The following SGCZ variants were observed in gnomAD, a reference collection of about 807,000 sequenced individuals.
SGCZ encodes the protein zeta-sarcoglycan.
Under a neutral mutation model 41.3 loss-of-function variants are expected in SGCZ, and 40 were observed. That is an observed-to-expected ratio of 0.97 (90% CI 0.75 to 1.26). The LOEUF (loss-of-function observed/expected upper bound fraction) is 1.26, where lower values mean the gene tolerates loss of function less well. Among genes scored for constraint, SGCZ ranks in the 50% most tolerant of loss-of-function variants. The pLI, the probability that SGCZ is intolerant of heterozygous loss-of-function variation, is 0.00. For synonymous variants in SGCZ, 206 were observed against 137.5 expected, an observed-to-expected ratio of 1.50 and a Z score of -3.49; for missense variants, 552 against 369.8, an observed-to-expected ratio of 1.49 and a Z score of -4.04.
chr8:14,586,981 T>C (rs1361811720), intron 1 of SGCZ, among the ~76,000 whole-genome samples: 1 of 151,946 alleles, frequency 6.6e-6, no homozygotes, highest in Non-Finnish European at 1.5e-5. Flanking sequence ...ATATACTCTT[T>C]GGAAAGTCAT....
At position 14,661,581 on chromosome 8, in the gene SGCZ, G is replaced by A. The variant is rs369963084; in HGVS notation, c.40-106655C>T. Among the ~76,000 whole-genome samples, 139 of 152,102 alleles carry A rather than the reference G, an allele frequency of 9.1e-4. 1 individual carries two copies. The highest frequency in any genetic ancestry group is 3.3e-3 in the African/African-American group (136 of 41,512). ...ACAATTGGTCATCCCTGACTTCTTG[G>A]GAGGTTAACAAACCATGACTCAACA... On this transcript the variant is annotated intron_variant, in intron 1 of 7. Transcript: ENST00000382080.
chr8:14,320,433 C>T (rs548444111), intron 3 of SGCZ, among the ~76,000 whole-genome samples: 1 of 150,686 alleles, frequency 6.6e-6, no homozygotes, highest in Non-Finnish European at 1.5e-5. Flanking sequence ...TGACTGAATT[C>T]TTTTATTATT....
intron 1 of SGCZ, among the ~76,000 whole-genome samples, chr8:14,682,780 T>TAG (rs1338915383): frequency 1.3e-5 from 2 of 152,212 alleles, no homozygotes; most frequent in Non-Finnish European, 2.9e-5. Flanking sequence ...CAGAATACTT[T>TAG]ACCTTAAACA....
chr8:14,159,681 T>G (rs1803981935), intron 5 of SGCZ, among the ~76,000 whole-genome samples: 1 of 152,192 alleles, frequency 6.6e-6, no homozygotes, highest in Non-Finnish European at 1.5e-5. Flanking sequence ...CTAATCACAT[T>G]TCTTCATGGG....
intron 1 of SGCZ, among the ~76,000 whole-genome samples, chr8:15,139,756 C>G (rs1415885426): frequency 6.6e-6 from 1 of 151,116 alleles, no homozygotes; most frequent in Non-Finnish European, 1.5e-5. Context: ...GGTCCTCAGA[C>G]CTACACCTCT....
intron 1 of SGCZ, among the ~76,000 whole-genome samples, chr8:14,752,223 G>A (rs140570989): frequency 2.2e-3 from 328 of 148,528 alleles, no homozygotes; most frequent in African/African-American, 7.5e-3. Flanking sequence ...ACTGGTTTTC[G>A]CAGGGTTTTC....
intron 1 of SGCZ, among the ~76,000 whole-genome samples, chr8:14,996,192 T>C (rs1192299306): frequency 1.3e-5 from 2 of 151,998 alleles, no homozygotes; most frequent in African/African-American, 4.8e-5. Flanking sequence ...CATGAGCCAC[T>C]ACATCAGACC....
intron 2 of SGCZ, among the ~76,000 whole-genome samples, chr8:14,386,277 T>A (rs1333260852): frequency 6.8e-6 from 1 of 148,010 alleles, no homozygotes; most frequent in Non-Finnish European, 1.5e-5. Flanking sequence ...GTATCAATGA[T>A]AAAAATCTTT....
rs150673763 is a variant in SGCZ, at chr8:14,900,151, T to C, written c.39+337434A>G. 7.2e-5 allele frequency among the ~76,000 whole-genome samples: 11 copies of C among 152,232 alleles called. No individual in the cohort carries two copies. In the East Asian group the frequency reaches 2.1e-3, roughly 29 times the overall value. On this transcript the variant is annotated intron_variant, in intron 1 of 7. Coordinates refer to ENST00000382080, the MANE Select transcript of SGCZ (RefSeq NM_139167.4). Reference sequence around the variant, plus strand: ...TTTTATCAGTATAAATCACATCCACTTGACTGTAGACAGACAAGGGCGGTT... The same window carrying C: ...TTTTATCAGTATAAATCACATCCACCTGACTGTAGACAGACAAGGGCGGTT...
At position 15,106,080 on chromosome 8, in the gene SGCZ, G is replaced by A. The variant is rs182538699; in HGVS notation, c.39+131505C>T. Reference sequence around the variant, plus strand: ...AATTATCATGACATTACAATATGCTGTAATATCTAGCATTCCTATTCCTTT... The same window carrying A: ...AATTATCATGACATTACAATATGCTATAATATCTAGCATTCCTATTCCTTT... On this transcript the variant is annotated intron_variant, in intron 1 of 7. Transcript: ENST00000382080. Among the ~76,000 whole-genome samples the A allele has an allele frequency of 6.6e-5, 10 of 152,172 alleles. No individual in the cohort carries two copies. In the East Asian group the frequency reaches 1.4e-3, roughly 21 times the overall value.
chr8:15,183,515 G>T (rs992338356), intron 1 of SGCZ, among the ~76,000 whole-genome samples: 2 of 152,130 alleles, frequency 1.3e-5, no homozygotes, highest in South Asian at 4.1e-4. Context: ...ATAACTCAGA[G>T]ATGTCATGTG....
intron 1 of SGCZ, among the ~76,000 whole-genome samples, chr8:15,018,217 A>T (rs1311632326): frequency 6.6e-6 from 1 of 152,206 alleles, no homozygotes; most frequent in Non-Finnish European, 1.5e-5. Context: ...CTCATTCGGC[A>T]CATGTTTCTA....
At chr8:14,760,992 G>A (rs1450243738) in intron 1 of SGCZ, among the ~76,000 whole-genome samples, 2 of 152,184 alleles carry the variant, frequency 1.3e-5, no homozygotes, top group Non-Finnish European at 2.9e-5. Context: ...ATGTAGGTCA[G>A]AAGAAGCGGT....
chr8:15,203,093 G>T (rs1009407845), intron 1 of SGCZ, among the ~76,000 whole-genome samples: 3 of 151,728 alleles, frequency 2.0e-5, no homozygotes, highest in African/African-American at 7.3e-5. Flanking sequence ...CTGGGTGACA[G>T]AACAAGACTC....
At chr8:14,519,568 G>A (rs190771837) in intron 2 of SGCZ, among the ~76,000 whole-genome samples, 48 of 151,970 alleles carry the variant, frequency 3.2e-4, no homozygotes, top group East Asian at 2.1e-3. Context: ...AATCTTCTAC[G>A]GTATTAGAAA....
At chr8:14,571,735 T>G (rs541598170) in intron 1 of SGCZ, among the ~76,000 whole-genome samples, 1 of 152,312 alleles carries the variant, frequency 6.6e-6, no homozygotes, top group East Asian at 1.9e-4. Flanking sequence ...TATATTACAT[T>G]TAACTGGTTT....
At position 14,631,346 on chromosome 8, in the gene SGCZ, C is replaced by T. The variant is rs114014191; in HGVS notation, c.40-76420G>A. On this transcript the variant is annotated intron_variant, in intron 1 of 7. Transcript: ENST00000382080. ...CTCTATCAAATAGAGTAATTAGTGA[C>T]GTGCTAGAGTTGACTTGTACTTACT... is the stretch of plus-strand genomic sequence containing the variant. 8.8e-3 allele frequency among the ~76,000 whole-genome samples: 1,340 copies of T among 152,048 alleles called. 19 individuals are homozygous for T. Among genetic ancestry groups the T allele is most frequent in the African/African-American group, 0.031 (1,269 of 41,482 alleles).
At chr8:14,108,140 C>G in intron 6 of SGCZ, 23 bp downstream of exon 6, 1 of 1,608,964 alleles carries the variant, frequency 6.2e-7, no homozygotes, top group African/African-American at 1.3e-5. Context: ...TTTTATGCCA[C>G]AGGTATAAGA....
chr8:14,358,917 T>C (rs1407278953), intron 2 of SGCZ, among the ~76,000 whole-genome samples: 3 of 152,170 alleles, frequency 2.0e-5, no homozygotes, highest in African/African-American at 7.2e-5. Context: ...CCAGGTATAG[T>C]ATTCTTTAAG....
Sources: gnomAD v4.1 joint callset for allele counts (sites outside exome capture counted in the v4.1 genomes callset) on GRCh38, gnomAD v4.1.1 for gene constraint, MANE v1.5 for transcripts, NCBI Gene and HGNC (gene_info 2026-07-23, HGNC 2026-07-21) for gene names.